The following HPSE2 variants were observed in gnomAD, a reference collection of about 807,000 sequenced individuals.
The protein encoded by HPSE2 is heparanase 2 (inactive), also known as inactive heparanase-2.
A neutral mutation model predicts 60.5 loss-of-function variants in HPSE2; 38 were observed. That is an observed-to-expected ratio of 0.63 (90% CI 0.48 to 0.82). The LOEUF is 0.82. Among genes scored for constraint, HPSE2 ranks in the 40% least tolerant of loss-of-function variants. HPSE2 has a pLI of 0.00. For missense variants in HPSE2, 713 were observed against 740.4 expected (o/e 0.96, Z 0.43); for synonymous variants, 295 against 293.2 (o/e 1.01, Z -0.06).
intron 3 of HPSE2, among the ~76,000 whole-genome samples, chr10:99,051,174 T>C (rs923450999): frequency 7.2e-5 from 11 of 152,090 alleles, no homozygotes; most frequent in Non-Finnish European, 1.3e-4. Context: ...TGCCAGCTAC[T>C]TGGGAGGCTG....
At chr10:98,931,541 T>C (rs1954641539) in intron 3 of HPSE2, among the ~76,000 whole-genome samples, 1 of 144,362 alleles carries the variant, frequency 6.9e-6, no homozygotes, top group Non-Finnish European at 1.5e-5. Context: ...GCACTGAATC[T>C]ATAAGTTGCT....
At chr10:98,745,219 A>T (rs1211595129) in intron 3 of HPSE2, among the ~76,000 whole-genome samples, 2 of 152,070 alleles carry the variant, frequency 1.3e-5, no homozygotes, top group African/African-American at 2.4e-5. Context: ...TAAATAAAAT[A>T]AAAAAAAGAA....
the HPSE2 span, among the ~76,000 whole-genome samples, chr10:99,271,386 A>G: frequency 1.3e-5 from 2 of 152,208 alleles, no homozygotes; most frequent in Admixed American, 1.3e-4. Flanking sequence ...CCCTTTTACA[A>G]TAGCTGTGAA....
intron 7 of HPSE2, among the ~76,000 whole-genome samples, chr10:98,624,998 C>T (rs928513057): frequency 6.6e-6 from 1 of 152,222 alleles, no homozygotes; most frequent in African/African-American, 2.4e-5. Flanking sequence ...TCCTAGAAAC[C>T]TTGAACCATT....
chr10:98,700,051 A>C (rs903419958), intron 5 of HPSE2, among the ~76,000 whole-genome samples: 1 of 151,800 alleles, frequency 6.6e-6, no homozygotes, highest in African/African-American at 2.4e-5. Context: ...CGATATCATG[A>C]AAATGGCCAT....
chr10:98,760,708 C>T (rs1057061611), intron 3 of HPSE2, among the ~76,000 whole-genome samples: 2 of 151,966 alleles, frequency 1.3e-5, no homozygotes, highest in African/African-American at 2.4e-5. Context: ...TAGTATTTTA[C>T]TGAGAATTTT....
intron 3 of HPSE2, among the ~76,000 whole-genome samples, chr10:98,750,925 T>C (rs1262623384): frequency 2.6e-5 from 4 of 152,194 alleles, no homozygotes; most frequent in East Asian, 1.9e-4. Flanking sequence ...TTGGGAGAGA[T>C]AGAGAACCTT....
the HPSE2 span, among the ~76,000 whole-genome samples, chr10:99,251,399 G>A: frequency 1.2e-4 from 16 of 130,050 alleles, no homozygotes; most frequent in African/African-American, 3.6e-4. Context: ...ATTAACAGCC[G>A]AATTCTACCA....
chr10:98,683,215 T>C (rs1947828927), intron 6 of HPSE2, among the ~76,000 whole-genome samples: 1 of 152,134 alleles, frequency 6.6e-6, no homozygotes. Context: ...ATCACCTTTT[T>C]ATGTCTCTCT....
intron 9 of HPSE2, among the ~76,000 whole-genome samples, chr10:98,573,267 C>A (rs1589440037): frequency 6.6e-6 from 1 of 152,084 alleles, no homozygotes; most frequent in Admixed American, 6.6e-5. Flanking sequence ...ACTCTAGAAC[C>A]AGCCAAACAA....
chr10:98,812,807 G>C (rs528451291), intron 3 of HPSE2, among the ~76,000 whole-genome samples: 3 of 152,134 alleles, frequency 2.0e-5, no homozygotes, highest in African/African-American at 7.2e-5. Flanking sequence ...CTCAAACTTT[G>C]TCTCTTCTTT....
In HPSE2 at chr10:99,047,498, T is replaced by G. The variant is rs1216150970; in HGVS notation, c.610+96740A>C. The G allele has an allele frequency of 7.7e-6, 3 of 390,128 alleles. No homozygotes were observed. In the South Asian group the frequency reaches 1.6e-4, roughly 21 times the overall value. 24.2% of individuals were successfully genotyped at this position (390,128 alleles called of 1,614,324 possible). A position where few individuals can be genotyped will look rare whatever the true frequency, so the allele number is the denominator to read the frequency against. On this transcript the variant is annotated intron_variant, in intron 3 of 11. Coordinates refer to ENST00000370552, the MANE Select transcript of HPSE2 (RefSeq NM_021828.5). ...GGACCTAATTAAACAGAAGAGCTTC[T>G]GCACAGCAAAAGAAACTATTACTAA...
At chr10:99,208,513 C>T (rs568326789) in intron 2 of HPSE2, among the ~76,000 whole-genome samples, 91 of 152,046 alleles carry the variant, frequency 6.0e-4, no homozygotes, top group Non-Finnish European at 1.0e-3. Flanking sequence ...GGCAAAACCC[C>T]ATCTCTGCAA....
At chr10:98,681,658 T>C (rs1489601344) in intron 6 of HPSE2, among the ~76,000 whole-genome samples, 1 of 152,174 alleles carries the variant, frequency 6.6e-6, no homozygotes, top group Non-Finnish European at 1.5e-5. Context: ...CAGCTACCTC[T>C]CTCTATGAGG....
In HPSE2 at chr10:99,036,066, T is replaced by A. The variant is rs146686676; in HGVS notation, c.610+108172A>T. On this transcript the variant is annotated intron_variant, in intron 3 of 11. Coordinates refer to ENST00000370552, the MANE Select transcript of HPSE2 (RefSeq NM_021828.5). ...TTCCTACAAAAAAAAAATTTTTTTT[T>A]AAACTAGGCATAGAACCATGTGCCT... Among the ~76,000 whole-genome samples the A allele has an allele frequency of 2.0e-4, 31 of 152,004 alleles. No individual in the cohort carries two copies. The East Asian group carries it at 5.4e-3, about 27-fold the overall frequency.
chr10:98,939,929 C>G (rs1235898683), intron 3 of HPSE2, among the ~76,000 whole-genome samples: 1 of 143,656 alleles, frequency 7.0e-6, no homozygotes, highest in Non-Finnish European at 1.5e-5. Context: ...TTAAGAAACT[C>G]ACTCAAAACC....
At chr10:98,526,408 C>G (rs979753265) in intron 9 of HPSE2, among the ~76,000 whole-genome samples, 4 of 152,142 alleles carry the variant, frequency 2.6e-5, no homozygotes, top group African/African-American at 9.7e-5. Flanking sequence ...CAGAGCAACT[C>G]CGATGTAAGT....
intron 9 of HPSE2, among the ~76,000 whole-genome samples, chr10:98,495,145 T>G (rs1029946613): frequency 6.6e-6 from 1 of 152,164 alleles, no homozygotes; most frequent in Non-Finnish European, 1.5e-5. Context: ...AGAAAAAATT[T>G]TGATGGATAT....
intron 3 of HPSE2, among the ~76,000 whole-genome samples, chr10:98,905,316 CG>C (rs377177934): frequency 6.7e-6 from 1 of 148,168 alleles, no homozygotes; most frequent in African/African-American, 2.5e-5. Flanking sequence ...CCCCCTCCCC[CG>C]ACCCCACCAC....
Sources: gnomAD v4.1 joint callset for allele counts (sites outside exome capture counted in the v4.1 genomes callset) on GRCh38, gnomAD v4.1.1 for gene constraint, MANE v1.5 for transcripts, NCBI Gene and HGNC (gene_info 2026-07-23, HGNC 2026-07-21) for gene names.